Variants in CTNNA3 observed in about 807,000 individuals in gnomAD.
The protein encoded by CTNNA3 is catenin alpha 3, also known as catenin alpha-3.
A neutral mutation model predicts 95.7 loss-of-function variants in CTNNA3; 76 were observed. That is an observed-to-expected ratio of 0.79 (90% CI 0.66 to 0.96). The LOEUF is 0.96. CTNNA3 is among the 40% of genes least tolerant of loss of function. The pLI is 0.00. For missense variants in CTNNA3, 1,191 were observed against 1,089.8 expected (o/e 1.09, Z -1.31); for synonymous variants, 431 against 374.4 (o/e 1.15, Z -1.74).
At chr10:67,499,939 C>T (rs530007081) in intron 5 of CTNNA3, among the ~76,000 whole-genome samples, 8 of 151,856 alleles carry the variant, frequency 5.3e-5, no homozygotes, top group Non-Finnish European at 7.4e-5. Context: ...CCTTCAGTTC[C>T]GCTCTGATCT....
At chr10:67,558,827 G>A (rs898097314) in intron 3 of CTNNA3, among the ~76,000 whole-genome samples, 1 of 152,232 alleles carries the variant, frequency 6.6e-6, no homozygotes, top group Non-Finnish European at 1.5e-5. Context: ...GGCACGCCAG[G>A]AGATTATATC....
At chr10:67,233,739 G>A (rs1332448201) in intron 5 of CTNNA3, among the ~76,000 whole-genome samples, 1 of 149,970 alleles carries the variant, frequency 6.7e-6, no homozygotes, top group Non-Finnish European at 1.5e-5. Context: ...TTTTTGAAAG[G>A]ATCAACAAAA....
At chr10:67,052,530 G>C (rs3818444) in intron 7 of CTNNA3, 1 of 152,058 alleles carries the variant, frequency 6.6e-6, no homozygotes, top group Non-Finnish European at 1.5e-5. Context: ...TGGTGATCAA[G>C]AAAGACAGCA....
chr10:66,736,237 G>A, intron 9 of CTNNA3, among the ~76,000 whole-genome samples: 1 of 151,792 alleles, frequency 6.6e-6, no homozygotes, highest in East Asian at 1.9e-4. Flanking sequence ...CCAGGCTGGA[G>A]TGCAGTGGTG....
At chr10:65,966,830 C>T (rs1056989379) in intron 16 of CTNNA3, 84 bp from the exon 17 acceptor site, 11 of 1,035,074 alleles carry the variant, frequency 1.1e-5, no homozygotes, top group South Asian at 2.0e-5. Flanking sequence ...ATTCACATGG[C>T]AGGTACCTTA....
intron 3 of CTNNA3, among the ~76,000 whole-genome samples, chr10:67,553,146 C>G (rs1232126456): frequency 6.6e-6 from 1 of 152,082 alleles, no homozygotes; most frequent in Non-Finnish European, 1.5e-5. Context: ...GTGATAAAAA[C>G]AGTTTTGCTG....
chr10:65,964,916 A>T (rs80094031), intron 17 of CTNNA3, among the ~76,000 whole-genome samples: 16,335 of 152,132 alleles, frequency 0.11, 1,104 homozygotes, highest in East Asian at 0.2. Flanking sequence ...TATCTATATA[A>T]ATGTATATAT....
At chr10:67,340,827 GA>G (rs1842156432) in intron 5 of CTNNA3, among the ~76,000 whole-genome samples, 1 of 152,122 alleles carries the variant, frequency 6.6e-6, no homozygotes, top group African/African-American at 2.4e-5. Flanking sequence ...TGAAAAGGAA[GA>G]AAAACATCTA....
chr10:65,987,426 A>C (rs2078451216), intron 16 of CTNNA3, among the ~76,000 whole-genome samples: 1 of 152,080 alleles, frequency 6.6e-6, no homozygotes, highest in African/African-American at 2.4e-5. Context: ...ATATGAAAAA[A>C]TGTTCCACAT....
intron 5 of CTNNA3, among the ~76,000 whole-genome samples, chr10:67,294,530 G>T (rs867330557): frequency 1.3e-4 from 19 of 151,834 alleles, no homozygotes; most frequent in Admixed American, 5.3e-4. Context: ...TTAAGAAGAA[G>T]AATAATGACT....
At chr10:66,545,641 G>A (rs1229655794) in intron 10 of CTNNA3, among the ~76,000 whole-genome samples, 1 of 151,992 alleles carries the variant, frequency 6.6e-6, no homozygotes, top group African/African-American at 2.4e-5. Context: ...TACTGATGTA[G>A]TCTCCCAGCA....
At chr10:67,442,943 C>A (rs1846583359) in intron 5 of CTNNA3, among the ~76,000 whole-genome samples, 1 of 100,646 alleles carries the variant, frequency 9.9e-6, no homozygotes, top group Non-Finnish European at 1.9e-5. Flanking sequence ...TATCCCTCCC[C>A]CCTCCCCCCA....
At chr10:65,963,773 C>T (rs189172214) in intron 17 of CTNNA3, among the ~76,000 whole-genome samples, 265 of 152,306 alleles carry the variant, frequency 1.7e-3, no homozygotes, top group African/African-American at 6.0e-3. Flanking sequence ...ACAGGTAAAA[C>T]ATGCAACTTC....
At chr10:66,979,330 G>A (rs1267992902) in intron 7 of CTNNA3, among the ~76,000 whole-genome samples, 2 of 152,042 alleles carry the variant, frequency 1.3e-5, no homozygotes, top group Admixed American at 6.6e-5. Context: ...AAGCATACAT[G>A]TATTTGTGAA....
At chr10:67,086,809 ATGTT>A (rs1857337811) in intron 7 of CTNNA3, among the ~76,000 whole-genome samples, 1 of 151,998 alleles carries the variant, frequency 6.6e-6, no homozygotes, top group African/African-American at 2.4e-5. Context: ...AGTATCTGTT[ATGTT>A]TGTTTGCTTT....
chr10:67,680,264 T>C (rs1840602682), intron 1 of CTNNA3, among the ~76,000 whole-genome samples: 1 of 152,138 alleles, frequency 6.6e-6, no homozygotes, highest in Non-Finnish European at 1.5e-5. Flanking sequence ...TGAAGGAAAA[T>C]CACTGGTAAG....
intron 13 of CTNNA3, among the ~76,000 whole-genome samples, chr10:66,163,210 C>A (rs996676227): frequency 6.6e-6 from 1 of 152,102 alleles, no homozygotes; most frequent in South Asian, 2.1e-4. Context: ...CACCCTCTCC[C>A]CATTTCTGGC....
chr10:66,624,044 A>G lies in CTNNA3; in HGVS notation c.1282-2260T>C, dbSNP rs564307775. On this transcript the variant is annotated intron_variant, in intron 9 of 17. Coordinates refer to ENST00000433211, the MANE Select transcript of CTNNA3 (RefSeq NM_013266.4). ...TGTAAAAATAGTTTTAGATATTTGGACATTTGATATCCTTTGTGTATCTGC... is the reference window on the plus strand; with the variant it reads ...TGTAAAAATAGTTTTAGATATTTGGGCATTTGATATCCTTTGTGTATCTGC... 3.9e-5 allele frequency among the ~76,000 whole-genome samples: 6 copies of G among 152,252 alleles called. No homozygotes were observed. In the East Asian group the frequency reaches 1.2e-3, roughly 29 times the overall value.
At position 67,448,507 on chromosome 10, in the gene CTNNA3, A is replaced by C. The variant is rs572953498; in HGVS notation, c.579+73335T>G. ...AACAGGATAGCTAGCCTAAAATAGA[A>C]AGAACTTATTCATGATTTAAAAAAC... On this transcript the variant is annotated intron_variant, in intron 5 of 17. Coordinates refer to ENST00000433211, the MANE Select transcript of CTNNA3 (RefSeq NM_013266.4). 3.7e-3 allele frequency among the ~76,000 whole-genome samples: 565 copies of C among 152,188 alleles called. 9 individuals are homozygous for C. The highest frequency in any genetic ancestry group is 0.013 in the African/African-American group (538 of 41,576).
Sources: gnomAD v4.1 joint callset for allele counts (sites outside exome capture counted in the v4.1 genomes callset) on GRCh38, gnomAD v4.1.1 for gene constraint, MANE v1.5 for transcripts, NCBI Gene and HGNC (gene_info 2026-07-23, HGNC 2026-07-21) for gene names.